STAU2: variants seen among roughly 807,000 people sequenced by gnomAD.
STAU2 encodes the protein staufen double-stranded RNA binding protein 2, also known as double-stranded RNA-binding protein Staufen homolog 2.
STAU2 carries 20 observed loss-of-function variants against 65.9 expected under a neutral mutation model. That is an observed-to-expected ratio of 0.30 (90% CI 0.21 to 0.44). STAU2 has a LOEUF of 0.44. STAU2 is among the 20% of genes least tolerant of loss of function. The pLI is 1.00. For missense variants in STAU2, 558 were observed against 683.9 expected (o/e 0.82, Z 2.05); for synonymous variants, 232 against 233.9 (o/e 0.99, Z 0.07).
chr8:73,534,741 A>C (rs1563406930), intron 13 of STAU2, among the ~76,000 whole-genome samples: 3 of 152,212 alleles, frequency 2.0e-5, no homozygotes, highest in Admixed American at 1.3e-4. Context: ...TCCTTTCCAT[A>C]ACTAACAAAC....
At chr8:73,510,239 G>T (rs1822309484) in intron 13 of STAU2, among the ~76,000 whole-genome samples, 1 of 151,732 alleles carries the variant, frequency 6.6e-6, no homozygotes, top group Non-Finnish European at 1.5e-5. Flanking sequence ...AGCTAATTTT[G>T]TATTTTTTTA....
At chr8:73,672,331 TTC>T (rs1817740841) in intron 6 of STAU2, 1 of 151,792 alleles carries the variant, frequency 6.6e-6, no homozygotes, top group Non-Finnish European at 1.5e-5. Context: ...TAGTGATTAT[TTC>T]TGGGAGAAGG....
chr8:73,730,875 T>C (rs2130749186), intron 3 of STAU2, among the ~76,000 whole-genome samples: 1 of 152,278 alleles, frequency 6.6e-6, no homozygotes, highest in East Asian at 1.9e-4. Context: ...AGATGTTCTA[T>C]CCATTGCTAA....
At chr8:73,656,557 TAGC>T (rs1289190885) in intron 6 of STAU2, among the ~76,000 whole-genome samples, 1 of 152,254 alleles carries the variant, frequency 6.6e-6, no homozygotes, top group African/African-American at 2.4e-5. Context: ...TTGTTTCCCT[TAGC>T]AGTTTAATTT....
chr8:73,485,183 C>T (rs990945290), intron 13 of STAU2, among the ~76,000 whole-genome samples: 1 of 135,392 alleles, frequency 7.4e-6, no homozygotes, highest in Non-Finnish European at 1.5e-5. Flanking sequence ...GACAGAATCT[C>T]GCTCTATCAC....
chr8:73,477,357 C>T (rs1820375483), intron 13 of STAU2, among the ~76,000 whole-genome samples: 1 of 152,082 alleles, frequency 6.6e-6, no homozygotes, highest in African/African-American at 2.4e-5. Context: ...ACCAGCACTA[C>T]TTTTTCAACA....
intron 6 of STAU2, among the ~76,000 whole-genome samples, chr8:73,627,491 C>G (rs920871266): frequency 3.3e-5 from 5 of 152,070 alleles, no homozygotes; most frequent in African/African-American, 1.2e-4. Context: ...TCCTGAATAT[C>G]AACTTTGTAC....
rs1807387192 is a variant in STAU2, at chr8:73,552,260, G to A, written c.1282C>T (p.His428Tyr). 1 of 1,613,712 alleles carries A rather than the reference G, an allele frequency of 6.2e-7. No individual in the cohort carries two copies. Among genetic ancestry groups the A allele is most frequent in the African/African-American group, 1.3e-5 (1 of 74,908 alleles). ...DVYQEMEASR[H>Y]KVISGTTLGY... ...AGAGTAGTGCCAGAGATTACTTTGT[G>A]GCGGCTGGCTTCCATCTCTTGATAA... The change falls in exon 13 of 15, where the codon CAC becomes TAC. Residue 428 changes from histidine (H) to tyrosine (Y), a missense_variant. Transcript: ENST00000524300.
At chr8:73,688,518 GTGTGT>G in intron 5 of STAU2, 131 bp downstream of exon 5, 8 of 681,584 alleles carry the variant, frequency 1.2e-5, no homozygotes, top group Non-Finnish European at 1.7e-5. Flanking sequence ...GTGTGTGTGT[GTGTGT>G]GTGTGTGTAG....
chr8:73,533,711 C>CA (rs1342401155), intron 13 of STAU2, among the ~76,000 whole-genome samples: 8 of 152,128 alleles, frequency 5.3e-5, no homozygotes, highest in Non-Finnish European at 1.2e-4. Flanking sequence ...GCATGAGCAA[C>CA]AGAGAGAGAT....
intron 3 of STAU2, 60 bp from the exon 4 acceptor site, chr8:73,709,222 A>C: frequency 7.6e-7 from 1 of 1,316,636 alleles, no homozygotes; most frequent in Non-Finnish European, 9.9e-7. Context: ...TGGAAGAAAA[A>C]CTAGTTTTGA....
In STAU2 at chr8:73,473,362, T is replaced by C. The variant is rs368340563; in HGVS notation, c.1531-50660A>G. The stretch of plus-strand genomic sequence containing the variant: ...CAATAATATTTCTGTCAAAAAAATG[T>C]ATAGGTAAGTCGAATGATAGAATAT... On this transcript the variant is annotated intron_variant, in intron 13 of 14. Coordinates refer to ENST00000524300, the MANE Select transcript of STAU2 (RefSeq NM_001164380.2). 1.3e-3 allele frequency among the ~76,000 whole-genome samples: 204 copies of C among 152,254 alleles called. 1 individual carries two copies. The highest frequency in any genetic ancestry group is 4.5e-3 in the African/African-American group (186 of 41,536).
intron 6 of STAU2, among the ~76,000 whole-genome samples, chr8:73,630,783 G>C (rs1481818721): frequency 6.6e-6 from 1 of 151,972 alleles, no homozygotes; most frequent in Admixed American, 6.6e-5. Flanking sequence ...GTAGCCCCAG[G>C]AAATCATAGT....
Position 73,737,179 on chromosome 8 carries a change from G to GTT in STAU2, c.-18+1103_-18+1104dup, listed in dbSNP as rs898058103. Among the ~76,000 whole-genome samples, 3 of 143,178 alleles carry GTT rather than the reference G, an allele frequency of 2.1e-5. No individual in the cohort carries two copies. The East Asian group carries it at 6.2e-4, about 30-fold the overall frequency. The allele number at this position is 143,178 out of a possible 152,430, so 93.9% of individuals were successfully genotyped here. ...ACCACGCCTGGCCAAGATTACTTTT[G>GTT]TTTTTTTTTTGAGACAGTCTCACTC... On this transcript the variant is annotated intron_variant, in intron 3 of 14. Transcript: ENST00000524300.
rs370019142 is a variant in STAU2 at position 73,662,599 on chromosome 8, T to TTTGTTG, written c.410+10502_410+10507dup. 3.9e-3 allele frequency among the ~76,000 whole-genome samples: 583 copies of TTTGTTG among 150,692 alleles called. 1 individual carries two copies. In the Middle Eastern group the frequency reaches 0.041, roughly 11 times the overall value. Reference sequence around the variant, plus strand: ...GGTGTGAAGTCAAGGTTCAGGGGTTTTTGTTGTTGTTGTTGTTGTTGTTGT... The same window carrying TTTGTTG: ...GGTGTGAAGTCAAGGTTCAGGGGTTTTTGTTGTTGTTGTTGTTGTTGTTGTTGTTGT... On this transcript the variant is annotated intron_variant, in intron 6 of 14. Coordinates refer to ENST00000524300, the MANE Select transcript of STAU2 (RefSeq NM_001164380.2).
chr8:73,645,590 T>C (rs1309422041), intron 6 of STAU2, among the ~76,000 whole-genome samples: 1 of 152,164 alleles, frequency 6.6e-6, no homozygotes, highest in African/African-American at 2.4e-5. Flanking sequence ...GCCAGTGCAA[T>C]AAGGTAAGAA....
At chr8:73,651,602 TC>T (rs1815884258) in intron 6 of STAU2, 1 of 675,844 alleles carries the variant, frequency 1.5e-6, no homozygotes, top group Non-Finnish European at 2.6e-6. Flanking sequence ...TCTGATGCTG[TC>T]CCCTGGCTCC....
At chr8:73,636,702 A>G (rs1314363874) in intron 6 of STAU2, among the ~76,000 whole-genome samples, 1 of 151,876 alleles carries the variant, frequency 6.6e-6, no homozygotes, top group African/African-American at 2.4e-5. Flanking sequence ...GTCTCTACTA[A>G]AAATATAAGA....
chr8:73,732,815 C>T (rs1182900154), intron 3 of STAU2: 1 of 152,164 alleles, frequency 6.6e-6, no homozygotes, highest in Non-Finnish European at 1.5e-5. Context: ...CTGCCGTCTG[C>T]CCTCCTTTCC....
Sources: gnomAD v4.1 joint callset for allele counts (sites outside exome capture counted in the v4.1 genomes callset) on GRCh38, gnomAD v4.1.1 for gene constraint, MANE v1.5 for transcripts, NCBI Gene and HGNC (gene_info 2026-07-23, HGNC 2026-07-21) for gene names.